Variants in LRP1B observed in about 807,000 individuals in gnomAD.
The protein encoded by LRP1B is low-density lipoprotein receptor-related protein 1B.
A neutral mutation model predicts 556.6 loss-of-function variants in LRP1B; 217 were observed. The observed-to-expected ratio is 0.39, with a 90% CI of 0.35 to 0.44. LRP1B has a LOEUF of 0.44. LRP1B is among the 20% of genes least tolerant of loss of function. The probability of loss-of-function intolerance (pLI) is 1.00; values close to 1 mark genes in which losing one functional copy is unlikely to be tolerated. For synonymous variants in LRP1B, 2,047 were observed against 1,865.8 expected (o/e 1.10, Z -2.50); for missense variants, 5,053 against 5,620.8 (o/e 0.90, Z 3.23).
chr2:141,703,766 C>T (rs1227449400), intron 2 of LRP1B, among the ~76,000 whole-genome samples: 1 of 151,868 alleles, frequency 6.6e-6, no homozygotes, highest in Non-Finnish European at 1.5e-5. Flanking sequence ...ATAACAGAAA[C>T]CCTGGTGCAA....
chr2:141,215,660 C>T (rs1682771807), intron 6 of LRP1B, among the ~76,000 whole-genome samples: 1 of 152,122 alleles, frequency 6.6e-6, no homozygotes, highest in South Asian at 2.1e-4. Flanking sequence ...ATGTTTTATG[C>T]CTTAGCAAAG....
intron 35 of LRP1B, among the ~76,000 whole-genome samples, chr2:140,751,636 A>T (rs1401963321): frequency 6.6e-6 from 1 of 152,208 alleles, no homozygotes; most frequent in Non-Finnish European, 1.5e-5. Flanking sequence ...CATGGTTTCA[A>T]TTCTCCTCTA....
intron 9 of LRP1B, among the ~76,000 whole-genome samples, chr2:141,057,186 T>C (rs765614507): frequency 5.3e-5 from 8 of 151,880 alleles, no homozygotes; most frequent in Non-Finnish European, 1.2e-4. Flanking sequence ...AGTCATACCG[T>C]GAGATTTTTC....
At chr2:141,532,970 A>G (rs1393340704) in intron 2 of LRP1B, among the ~76,000 whole-genome samples, 2 of 152,112 alleles carry the variant, frequency 1.3e-5, no homozygotes, top group African/African-American at 4.8e-5. Context: ...TAGGCAACAG[A>G]ACAAGACTCC....
chr2:140,285,360 T>TACACAC (rs1683104144), intron 84 of LRP1B, among the ~76,000 whole-genome samples: 1 of 150,838 alleles, frequency 6.6e-6, no homozygotes, highest in African/African-American at 2.4e-5. Flanking sequence ...TGTACATATA[T>TACACAC]ACACATACAT....
At chr2:140,862,302 A>G (rs931077866) in intron 27 of LRP1B, among the ~76,000 whole-genome samples, 2 of 152,186 alleles carry the variant, frequency 1.3e-5, no homozygotes, top group African/African-American at 4.8e-5. Flanking sequence ...ATTTCATGGC[A>G]CATAAAACTT....
intron 3 of LRP1B, among the ~76,000 whole-genome samples, chr2:141,425,414 T>C (rs1158854331): frequency 1.3e-4 from 20 of 150,168 alleles, no homozygotes; most frequent in Middle Eastern, 3.2e-3. Context: ...GCATGACTTA[T>C]ATTCCTTTGG....
At chr2:140,734,449 AGTTT>A (rs1295528108) in intron 35 of LRP1B, among the ~76,000 whole-genome samples, 2 of 152,296 alleles carry the variant, frequency 1.3e-5, no homozygotes, top group Non-Finnish European at 2.9e-5. Flanking sequence ...TAAAATATCT[AGTTT>A]GTTAGTTATG....
intron 35 of LRP1B, among the ~76,000 whole-genome samples, chr2:140,726,089 A>G (rs1425608938): frequency 6.6e-6 from 1 of 152,170 alleles, no homozygotes; most frequent in Non-Finnish European, 1.5e-5. Context: ...TACAAATAGG[A>G]AGAAAATCAC....
At chr2:141,596,658 GA>G (rs1405741622) in intron 2 of LRP1B, among the ~76,000 whole-genome samples, 3 of 151,906 alleles carry the variant, frequency 2.0e-5, no homozygotes, top group African/African-American at 7.2e-5. Flanking sequence ...TTCATCACTT[GA>G]AAAGGATTCT....
chr2:142,086,276 G>C (rs1312684140), intron 1 of LRP1B, among the ~76,000 whole-genome samples: 1 of 152,038 alleles, frequency 6.6e-6, no homozygotes, highest in Admixed American at 6.6e-5. Flanking sequence ...ATCCTCTATG[G>C]GCATTTTTCC....
At chr2:141,667,304 C>T (rs898381806) in intron 2 of LRP1B, among the ~76,000 whole-genome samples, 2 of 152,108 alleles carry the variant, frequency 1.3e-5, no homozygotes, top group African/African-American at 4.8e-5. Flanking sequence ...ATTAGGATTT[C>T]CCCCATACCC....
chr2:140,415,988 C>A (rs1685182083), intron 66 of LRP1B, among the ~76,000 whole-genome samples: 1 of 152,230 alleles, frequency 6.6e-6, no homozygotes, highest in Non-Finnish European at 1.5e-5. Flanking sequence ...CTGAATTGGT[C>A]TCCTAGTGCA....
intron 41 of LRP1B, among the ~76,000 whole-genome samples, chr2:140,694,694 T>C (rs1034609232): frequency 5.9e-5 from 9 of 152,300 alleles, no homozygotes; most frequent in South Asian, 4.1e-4. Context: ...GCTAAAAGAC[T>C]ATTAAATCTA....
intron 2 of LRP1B, among the ~76,000 whole-genome samples, chr2:141,629,253 G>A (rs1688818882): frequency 6.6e-6 from 1 of 152,038 alleles, no homozygotes; most frequent in Non-Finnish European, 1.5e-5. Flanking sequence ...AAGAAAGGAG[G>A]GGTACAAGGA....
intron 3 of LRP1B, among the ~76,000 whole-genome samples, chr2:141,308,057 G>T (rs549300994): frequency 4.6e-5 from 7 of 152,316 alleles, no homozygotes; most frequent in South Asian, 2.1e-4. Flanking sequence ...TTCAGAAGAA[G>T]TGCTTATGTG....
Position 140,592,935 on chromosome 2 carries a change from G to GACAC in LRP1B, c.7194+5692_7194+5695dup, listed in dbSNP as rs10594387. On this transcript the variant is annotated intron_variant, in intron 43 of 90. Coordinates refer to ENST00000389484, the MANE Select transcript of LRP1B (RefSeq NM_018557.3). The stretch of plus-strand genomic sequence containing the variant: ...AGCCTGGATGACAAAGTGAGATCCT[G>GACAC]ACACACACACACACACACACACACA... 4.4e-3 allele frequency among the ~76,000 whole-genome samples: 650 copies of GACAC among 148,994 alleles called. 5 individuals are homozygous for GACAC. The highest frequency in any genetic ancestry group is 0.034 in the Middle Eastern group (10 of 290).
chr2:140,967,168 T>C (rs946242761), intron 18 of LRP1B, among the ~76,000 whole-genome samples: 4 of 152,138 alleles, frequency 2.6e-5, no homozygotes, highest in Admixed American at 1.3e-4. Context: ...ATTCTTCCTA[T>C]CCATGAGCAT....
chr2:141,431,247 T>G (rs1289733364), intron 3 of LRP1B, among the ~76,000 whole-genome samples: 1 of 150,786 alleles, frequency 6.6e-6, no homozygotes, highest in South Asian at 2.1e-4. Flanking sequence ...GTCAGAGAGA[T>G]GTAGCAGAAG....
Sources: allele counts gnomAD v4.1 joint callset (sites outside exome capture counted in the v4.1 genomes callset), GRCh38; gene constraint gnomAD v4.1.1; transcripts MANE v1.5; gene names NCBI Gene and HGNC (gene_info 2026-07-23, HGNC 2026-07-21).